PLA2G4E: variants seen among roughly 807,000 people sequenced by gnomAD.
PLA2G4E encodes cytosolic phospholipase A2 epsilon.
A neutral mutation model predicts 109.1 loss-of-function variants in PLA2G4E; 84 were observed. That is an observed-to-expected ratio of 0.77 (90% CI 0.65 to 0.92). PLA2G4E has a LOEUF of 0.92. Among genes scored for constraint, PLA2G4E ranks in the 40% least tolerant of loss-of-function variants. The probability of loss-of-function intolerance (pLI) is 0.00; values close to 1 mark genes in which losing one functional copy is unlikely to be tolerated. For missense variants in PLA2G4E, 1,057 were observed against 1,076.6 expected (o/e 0.98, Z 0.25); for synonymous variants, 469 against 436.1 (o/e 1.08, Z -0.94).
chr15:42,013,599 G>T, intron 2 of PLA2G4E, 86 bp downstream of exon 2: 3 of 1,327,918 alleles, frequency 2.3e-6, no homozygotes, highest in Admixed American at 2.0e-5. Flanking sequence ...ACACACACAC[G>T]GATCCACCTG....
chr15:42,001,341 C>T, intron 6 of PLA2G4E, 121 bp from the exon 7 acceptor site: 1 of 899,062 alleles, frequency 1.1e-6, no homozygotes, highest in Non-Finnish European at 1.8e-6. Context: ...TGGGCTGATG[C>T]TGGGGAATGC....
intron 1 of PLA2G4E, chr15:42,050,501 T>G (rs1435683253): frequency 6.5e-7 from 1 of 1,545,012 alleles, no homozygotes; most frequent in African/African-American, 1.4e-5. Context: ...CAGACCCCCC[T>G]CCCAGGAACA....
At chr15:42,042,791 C>G (rs1479406674) in intron 1 of PLA2G4E, among the ~76,000 whole-genome samples, 3 of 152,182 alleles carry the variant, frequency 2.0e-5, no homozygotes, top group African/African-American at 7.2e-5. Context: ...AACATCCACT[C>G]ATTGGGCAAG....
chr15:42,038,883 T>A lies in PLA2G4E; in HGVS notation c.183+11638A>T, dbSNP rs191583684. Among the ~76,000 whole-genome samples, 105 of 152,344 alleles carry A rather than the reference T, an allele frequency of 6.9e-4. 5 individuals carry two copies. Among genetic ancestry groups the A allele is most frequent in the Admixed American group, 6.9e-3 (105 of 15,302 alleles). ...GTTCTCCAAAGTAATTGTTACTGAT[T>A]CACACTTCCAATACTATGTATGAGA... On this transcript the variant is annotated intron_variant, in intron 1 of 19. Transcript: ENST00000399518.
intron 1 of PLA2G4E, among the ~76,000 whole-genome samples, chr15:42,027,089 G>C (rs2068699455): frequency 6.6e-6 from 1 of 152,194 alleles, no homozygotes; most frequent in African/African-American, 2.4e-5. Flanking sequence ...CATGAATGGG[G>C]AGTGAAGGAT....
At chr15:42,046,009 G>A (rs986457913) in intron 1 of PLA2G4E, among the ~76,000 whole-genome samples, 11 of 152,086 alleles carry the variant, frequency 7.2e-5, no homozygotes, top group Admixed American at 6.6e-5. Flanking sequence ...AACTCACTAG[G>A]CATCTGTGAT....
chr15:42,007,366 G>A (rs970040703), intron 3 of PLA2G4E, among the ~76,000 whole-genome samples: 2 of 152,214 alleles, frequency 1.3e-5, no homozygotes, highest in African/African-American at 4.8e-5. Context: ...CCCTCTGGCT[G>A]GAATTAGACT....
intron 6 of PLA2G4E, among the ~76,000 whole-genome samples, chr15:42,002,139 G>A (rs111745379): frequency 1.2e-4 from 18 of 152,028 alleles, no homozygotes; most frequent in African/African-American, 2.9e-4. Context: ...TTGAAACCCC[G>A]TCTCTACAAA....
intron 1 of PLA2G4E, among the ~76,000 whole-genome samples, chr15:42,046,912 G>C (rs1889426340): frequency 1.3e-5 from 2 of 152,178 alleles, no homozygotes; most frequent in African/African-American, 4.8e-5. Context: ...ATTTGCTTTA[G>C]GGTTACTGGA....
chr15:42,003,184 A>T (rs1446147439), intron 5 of PLA2G4E, among the ~76,000 whole-genome samples: 1 of 152,242 alleles, frequency 6.6e-6, no homozygotes, highest in East Asian at 1.9e-4. Flanking sequence ...TAAGCCTCCA[A>T]GGTTTCAATT....
chr15:42,021,352 C>T (rs375603963), intron 1 of PLA2G4E, among the ~76,000 whole-genome samples: 64 of 151,988 alleles, frequency 4.2e-4, no homozygotes, highest in East Asian at 1.2e-3. Flanking sequence ...AGGACTAGCC[C>T]GCCATAATTT....
At chr15:41,988,083 G>T in exon 16 of PLA2G4E, 1 of 1,607,820 alleles carries the variant, frequency 6.2e-7, no homozygotes, top group Non-Finnish European at 8.5e-7. Flanking sequence ...TCCACCTGTG[G>T]AAAAACTCCT....
chr15:42,032,671 A>C (rs1416576908), intron 1 of PLA2G4E, among the ~76,000 whole-genome samples: 1 of 152,188 alleles, frequency 6.6e-6, no homozygotes, highest in Non-Finnish European at 1.5e-5. Context: ...GGCCTTTCTC[A>C]CTGCTGATTT....
chr15:42,025,040 C>T (rs1324818763), intron 1 of PLA2G4E, among the ~76,000 whole-genome samples: 1 of 151,790 alleles, frequency 6.6e-6, no homozygotes, highest in African/African-American at 2.4e-5. Context: ...CTCCACTACA[C>T]AAAAAATTAG....
At chr15:41,990,182 G>A in exon 14 of PLA2G4E, 2 of 1,613,760 alleles carry the variant, frequency 1.2e-6, no homozygotes, top group Non-Finnish European at 8.5e-7. Context: ...TGGGCAGGGG[G>A]TTCTGGCCGC....
intron 1 of PLA2G4E, among the ~76,000 whole-genome samples, chr15:42,040,566 A>G (rs1371461069): frequency 1.3e-5 from 2 of 152,258 alleles, no homozygotes; most frequent in Non-Finnish European, 2.9e-5. Flanking sequence ...CTCTATGTCA[A>G]AACACGTACA....
In PLA2G4E at chr15:42,013,676, G is replaced by C. The variant is rs1489080544; in HGVS notation, c.256+9C>G. 1 of 1,548,738 alleles carries C rather than the reference G, an allele frequency of 6.5e-7. No individual in the cohort carries two copies. The highest frequency in any genetic ancestry group is 8.7e-7 in the Non-Finnish European group (1 of 1,145,272). On this transcript the variant is annotated intron_variant, in intron 2 of 19. Coordinates refer to ENST00000399518, the Ensembl canonical transcript of PLA2G4E. ...AGCAGAGAAGGAGAGAAGTGAGGTGGATACTCACGCATATCAGCCTGCCGG... is the reference window on the plus strand; with the variant it reads ...AGCAGAGAAGGAGAGAAGTGAGGTGCATACTCACGCATATCAGCCTGCCGG...
chr15:42,007,157 T>C (rs2068485133), intron 3 of PLA2G4E, among the ~76,000 whole-genome samples: 1 of 152,222 alleles, frequency 6.6e-6, no homozygotes. Flanking sequence ...AGGCCAAATT[T>C]GTTGTAAGGG....
intron 1 of PLA2G4E, among the ~76,000 whole-genome samples, chr15:42,047,976 C>A (rs948441047): frequency 6.6e-6 from 1 of 152,132 alleles, no homozygotes; most frequent in African/African-American, 2.4e-5. Context: ...TTAGGCTAAC[C>A]CCCCTCCCGG....
Sources: gnomAD v4.1 joint callset for allele counts (sites outside exome capture counted in the v4.1 genomes callset) on GRCh38, gnomAD v4.1.1 for gene constraint, MANE v1.5 for transcripts, NCBI Gene and HGNC (gene_info 2026-07-23, HGNC 2026-07-21) for gene names.